ACTN4: variants seen among roughly 807,000 people sequenced by gnomAD.
The protein encoded by ACTN4 is alpha-actinin-4.
A neutral mutation model predicts 114.2 loss-of-function variants in ACTN4; 18 were observed. The observed-to-expected ratio is 0.16, with a 90% CI of 0.11 to 0.23. The LOEUF (loss-of-function observed/expected upper bound fraction) is 0.23. Among genes scored for constraint, ACTN4 ranks in the 10% least tolerant of loss-of-function variants. The pLI, the probability that ACTN4 is intolerant of heterozygous loss-of-function variation, is 1.00. For missense variants in ACTN4, 722 were observed against 1,262.9 expected (o/e 0.57, Z 6.49); for synonymous variants, 515 against 506.3 (o/e 1.02, Z -0.23).
chr19:38,703,826 G>A (rs183811775), intron 3 of ACTN4, among the ~76,000 whole-genome samples: 8 of 152,100 alleles, frequency 5.3e-5, no homozygotes, highest in East Asian at 1.9e-4. Flanking sequence ...CGGGCAGTCA[G>A]GGAAGCCACC....
intron 3 of ACTN4, 136 bp downstream of exon 3, chr19:38,701,257 A>C: frequency 2.1e-6 from 3 of 1,420,276 alleles, no homozygotes; most frequent in South Asian, 1.3e-5. Context: ...GTACATACTC[A>C]GCAGTGATCA....
At chr19:38,650,812 C>T (rs1020962134) in intron 1 of ACTN4, among the ~76,000 whole-genome samples, 6 of 151,948 alleles carry the variant, frequency 3.9e-5, no homozygotes, top group African/African-American at 9.7e-5. Flanking sequence ...CTTGGCTCAC[C>T]GCAACCTCCG....
intron 3 of ACTN4, 107 bp downstream of exon 3, chr19:38,701,228 TGG>T (rs1968265160): frequency 6.4e-7 from 1 of 1,565,024 alleles, no homozygotes; most frequent in South Asian, 1.2e-5. Flanking sequence ...GCAGGGCGCT[TGG>T]GGCACTCAGA....
intron 2 of ACTN4, 121 bp from the exon 3 acceptor site, chr19:38,700,881 G>A: frequency 6.8e-7 from 1 of 1,468,206 alleles, no homozygotes; most frequent in Non-Finnish European, 9.3e-7. Flanking sequence ...TGGCCTGGTG[G>A]GCCAGCAGAG....
chr19:38,701,218 G>A, intron 3 of ACTN4, 97 bp downstream of exon 3: 2 of 1,584,622 alleles, frequency 1.3e-6, no homozygotes, highest in African/African-American at 2.7e-5. Context: ...TTTGTTGGTG[G>A]CAGGGCGCTT....
chr19:38,709,254 TCA>T (rs1243227851), intron 6 of ACTN4, 139 bp from the exon 7 acceptor site: 1 of 742,344 alleles, frequency 1.3e-6, no homozygotes, highest in Non-Finnish European at 2.5e-6. Flanking sequence ...CGCTCACACA[TCA>T]CACGTGGCTG....
At chr19:38,728,549 A>G (rs1017441736) in intron 19 of ACTN4, among the ~76,000 whole-genome samples, 1 of 149,728 alleles carries the variant, frequency 6.7e-6, no homozygotes, top group African/African-American at 2.5e-5. Context: ...CCTCTGCTGC[A>G]TCTGCCGGGG....
chr19:38,697,512 C>T (rs980403638), intron 1 of ACTN4, among the ~76,000 whole-genome samples: 4 of 152,246 alleles, frequency 2.6e-5, no homozygotes, highest in Non-Finnish European at 5.9e-5. Context: ...GGGAAGGAAA[C>T]AGACTTAAGT....
At chr19:38,694,440 A>G (rs1195818697) in intron 1 of ACTN4, among the ~76,000 whole-genome samples, 1 of 151,860 alleles carries the variant, frequency 6.6e-6, no homozygotes. Flanking sequence ...TTGTATTTTT[A>G]GTAGAGACGA....
Position 38,731,467 on chromosome 19 carries a change from C to G in ACTN4, c.*2035C>G. 1.8e-6 allele frequency: 1 copy of G among 557,548 alleles called. No individual in the cohort carries two copies. Among genetic ancestry groups the G allele is most frequent in the African/African-American group, 1.9e-5 (1 of 53,226 alleles). 34.5% of individuals were successfully genotyped at this position (557,548 alleles called of 1,614,324 possible). A position where few individuals can be genotyped will look rare whatever the true frequency, so the allele number is the denominator to read the frequency against. On this transcript the variant is annotated 3_prime_UTR_variant, in exon 21 of 21. Transcript: ENST00000252699. ...TGTGAAGACAGAACGCTCAGGACAG[C>G]GTCTGACACGTGACTCGATGTGTGG...
chr19:38,679,582 T>C (rs1170319720), intron 1 of ACTN4, among the ~76,000 whole-genome samples: 4 of 151,562 alleles, frequency 2.6e-5, no homozygotes, highest in African/African-American at 9.7e-5. Context: ...TGTGTGTGTG[T>C]GTGTGTGTGT....
intron 1 of ACTN4, among the ~76,000 whole-genome samples, chr19:38,685,573 C>T (rs1967717149): frequency 6.6e-6 from 1 of 152,166 alleles, no homozygotes; most frequent in Admixed American, 6.5e-5. Flanking sequence ...GGCCCCTAAT[C>T]CTCTCAGTGC....
rs771131095 is a variant in ACTN4 at position 38,647,830 on chromosome 19, G to A, written c.85G>A (p.Gly29Ser). 4.5e-6 allele frequency: 7 copies of A among 1,553,064 alleles called. No individual in the cohort carries two copies. Among genetic ancestry groups the A allele is most frequent in the Non-Finnish European group, 6.1e-6 (7 of 1,150,690 alleles). Residue 29 changes from glycine to serine, a missense_variant, in exon 1 of 21, where the codon GGC becomes AGC. By Grantham distance (56) the Gly-to-Ser change is moderately conservative. Around this residue, in one of 3 missense-constraint regions of ACTN4, gnomAD observed 72 missense variants for 75.6 expected, o/e 0.95. Transcript: ENST00000252699. ...GNGAGGGGSM[G>S]DYMAQEDDWD... Reference sequence around the variant, plus strand: ...TGGCGCTGGCGGCGGGGGCAGCATGGGCGACTACATGGCCCAGGAGGACGA... The same window carrying A: ...TGGCGCTGGCGGCGGGGGCAGCATGAGCGACTACATGGCCCAGGAGGACGA...
chr19:38,720,004 C>T (rs1444373816), intron 11 of ACTN4, among the ~76,000 whole-genome samples: 5 of 152,248 alleles, frequency 3.3e-5, no homozygotes, highest in Admixed American at 1.3e-4. Flanking sequence ...CTGCCCATGG[C>T]GTCTGCCAGA....
At chr19:38,674,221 A>G (rs1967303618) in intron 1 of ACTN4, among the ~76,000 whole-genome samples, 1 of 152,250 alleles carries the variant, frequency 6.6e-6, no homozygotes, top group Non-Finnish European at 1.5e-5. Context: ...GTTAGAGCCA[A>G]CCTCAGAGAA....
At chr19:38,660,523 G>A (rs1976853895) in intron 1 of ACTN4, among the ~76,000 whole-genome samples, 1 of 151,960 alleles carries the variant, frequency 6.6e-6, no homozygotes, top group South Asian at 2.1e-4. Context: ...AGCCTCCCGA[G>A]TAGCTGGGAT....
intron 9 of ACTN4, among the ~76,000 whole-genome samples, chr19:38,716,658 C>T (rs1968851159): frequency 6.6e-6 from 1 of 152,184 alleles, no homozygotes; most frequent in Non-Finnish European, 1.5e-5. Context: ...ATACTGAGAC[C>T]CCCTTCTCTA....
chr19:38,714,176 C>G (rs2078002871), intron 8 of ACTN4, among the ~76,000 whole-genome samples: 1 of 152,232 alleles, frequency 6.6e-6, no homozygotes, highest in Non-Finnish European at 1.5e-5. Context: ...CAGCCTCACC[C>G]TCCTCTGTGT....
chr19:38,694,105 G>T (rs1968015566), intron 1 of ACTN4, among the ~76,000 whole-genome samples: 1 of 152,140 alleles, frequency 6.6e-6, no homozygotes, highest in Non-Finnish European at 1.5e-5. Flanking sequence ...TAGGTCAAGG[G>T]CTGGGTGCAG....
Sources: allele counts gnomAD v4.1 joint callset (sites outside exome capture counted in the v4.1 genomes callset), GRCh38; gene constraint gnomAD v4.1.1; regional missense constraint gnomAD v4.1.1; transcripts MANE v1.5; gene names NCBI Gene and HGNC (gene_info 2026-07-23, HGNC 2026-07-21).